ERAP1: variants seen among roughly 807,000 people sequenced by gnomAD.
ERAP1 encodes the protein adipocyte-derived leucine aminopeptidase.
In ERAP1, 86 loss-of-function variants were observed where a neutral mutation model predicts 103.7. The observed-to-expected ratio is 0.83, with a 90% CI of 0.70 to 0.99. The LOEUF (loss-of-function observed/expected upper bound fraction) is 0.99, where lower values mean the gene tolerates loss of function less well. Among genes scored for constraint, ERAP1 ranks in the 50% least tolerant of loss-of-function variants. ERAP1 has a pLI of 0.00. For missense variants in ERAP1, 1,009 were observed against 1,128.4 expected (o/e 0.89, Z 1.52); for synonymous variants, 398 against 402.4 (o/e 0.99, Z 0.13).
At position 96,775,123 on chromosome 5, in the gene ERAP1, C is replaced by CTAA; in HGVS notation, c.*1270_*1272dup. On this transcript the variant is annotated 3_prime_UTR_variant, in exon 19 of 19. Transcript: ENST00000443439. ...AAGTTTTCAGAATAAGAAATAAAAT[C>CTAA]TAATTCTTAGGGTATTAACTGACTT... is the stretch of plus-strand genomic sequence containing the variant. The CTAA allele has an allele frequency of 1.0e-6, 1 of 985,480 alleles. No homozygotes were observed. Among genetic ancestry groups the CTAA allele is most frequent in the Non-Finnish European group, 1.2e-6 (1 of 829,940 alleles). The allele number at this position is 985,480 out of a possible 1,614,324, so 61.0% of individuals were successfully genotyped here. A position where few individuals can be genotyped will look rare whatever the true frequency, so the allele number is the denominator to read the frequency against.
the ERAP1 span, among the ~76,000 whole-genome samples, chr5:96,830,486 T>C: frequency 6.6e-6 from 1 of 152,148 alleles, no homozygotes; most frequent in Admixed American, 6.5e-5. Context: ...ACAACTCAAA[T>C]GTTCATCAAC....
chr5:96,903,366 TA>T, the ERAP1 span: 9 of 1,598,518 alleles, frequency 5.6e-6, no homozygotes, highest in East Asian at 1.8e-4. Context: ...ATGCCAATCT[TA>T]TCCTCTTAGA....
chr5:96,799,271 T>C (rs1051623226), intron 3 of ERAP1, among the ~76,000 whole-genome samples: 3 of 152,190 alleles, frequency 2.0e-5, no homozygotes, highest in Non-Finnish European at 2.9e-5. Context: ...AAAGCTTCAA[T>C]GTTCCAATGG....
downstream of ERAP1, chr5:96,773,090 C>T (rs1773052841): frequency 6.5e-6 from 1 of 153,832 alleles, no homozygotes; most frequent in South Asian, 2.1e-4. Flanking sequence ...CCCCTTTCCT[C>T]TTGGGCTTTT....
the ERAP1 span, among the ~76,000 whole-genome samples, chr5:96,852,489 G>A: frequency 3.4e-4 from 52 of 152,226 alleles, no homozygotes; most frequent in Non-Finnish European, 5.4e-4. Flanking sequence ...AGGAAAGTAC[G>A]TTCTTAGGTT....
At chr5:96,813,451 G>A in the ERAP1 span, among the ~76,000 whole-genome samples, 106 of 151,892 alleles carry the variant, frequency 7.0e-4, no homozygotes, top group Non-Finnish European at 1.4e-3. Flanking sequence ...GCAGGAGATC[G>A]AGACCGTCCT....
At chr5:96,916,550 G>A in the ERAP1 span, among the ~76,000 whole-genome samples, 5 of 138,024 alleles carry the variant, frequency 3.6e-5, no homozygotes, top group South Asian at 2.4e-4. Flanking sequence ...TGCAAGCTCC[G>A]CCTCCCAGGT....
At chr5:96,894,392 G>A in the ERAP1 span, among the ~76,000 whole-genome samples, 1 of 152,112 alleles carries the variant, frequency 6.6e-6, no homozygotes, top group Non-Finnish European at 1.5e-5. Context: ...GTTTCTAGAA[G>A]CTACAGACTT....
chr5:96,781,840 A>T lies in ERAP1; in HGVS notation c.2300T>A (p.Val767Glu), dbSNP rs1249634303. 28 of 1,613,988 alleles carry T rather than the reference A, an allele frequency of 1.7e-5. No individual in the cohort carries two copies. The highest frequency in any genetic ancestry group is 2.4e-5 in the Non-Finnish European group (28 of 1,179,984). ...CCCCACAGCAAACACTGCCAAGGTC[A>T]CGTCGACAGGCAGGCTATAGAAAGG... ...SNGNLSLPVD[V>E]TLAVFAVGAQ... is the part of the protein sequence containing the mutation. The change falls in exon 16 of 19, where the codon GTG (valine) becomes GAG (glutamate). Residue 767 changes from valine (V) to glutamate (E), a missense_variant. Physicochemically the swap from Val to Glu is moderately radical, Grantham distance 121. Transcript: ENST00000443439.
chr5:96,801,656 A>T (rs1023474409), intron 2 of ERAP1, among the ~76,000 whole-genome samples: 24 of 151,134 alleles, frequency 1.6e-4, no homozygotes, highest in African/African-American at 5.4e-4. Context: ...GTTCGAGACC[A>T]CCCTGGCCAA....
chr5:96,909,438 G>A, the ERAP1 span: 1 of 701,180 alleles, frequency 1.4e-6, no homozygotes, highest in Non-Finnish European at 2.4e-6. Flanking sequence ...GCCAGAAAAA[G>A]ATAAGAGAAA....
chr5:96,801,888 A>G (rs1240468751), intron 2 of ERAP1, among the ~76,000 whole-genome samples: 2 of 145,866 alleles, frequency 1.4e-5, no homozygotes, highest in Admixed American at 1.4e-4. Context: ...AAAAATCCCC[A>G]ACAACCAAGG....
upstream of ERAP1, among the ~76,000 whole-genome samples, chr5:96,812,140 T>A (rs1423796888): frequency 6.6e-6 from 1 of 152,258 alleles, no homozygotes; most frequent in African/African-American, 2.4e-5. Context: ...GAATTATATG[T>A]TTATGTTTCT....
chr5:96,845,441 G>T, the ERAP1 span, among the ~76,000 whole-genome samples: 1 of 152,086 alleles, frequency 6.6e-6, no homozygotes, highest in Non-Finnish European at 1.5e-5. Flanking sequence ...CACCATGTTG[G>T]CTAGGCTGGT....
chr5:96,845,525 A>G, the ERAP1 span, among the ~76,000 whole-genome samples: 1 of 152,204 alleles, frequency 6.6e-6, no homozygotes, highest in Admixed American at 6.6e-5. Context: ...GGGGATCCAC[A>G]CTGCCTGGCT....
intron 19 of ERAP1, chr5:96,768,272 A>G (rs989632911): frequency 2.1e-5 from 9 of 427,916 alleles, no homozygotes; most frequent in Non-Finnish European, 2.6e-5. Context: ...TTTTGTAGAG[A>G]GGGGGTTTCG....
the ERAP1 span, among the ~76,000 whole-genome samples, chr5:96,890,530 A>C: frequency 2.0e-5 from 3 of 152,222 alleles, no homozygotes; most frequent in African/African-American, 7.2e-5. Context: ...ATAAAAACTG[A>C]AGAAAGTTTC....
chr5:96,833,721 C>G, the ERAP1 span, among the ~76,000 whole-genome samples: 1 of 151,704 alleles, frequency 6.6e-6, no homozygotes, highest in Admixed American at 6.6e-5. Context: ...TCGCTTGAAC[C>G]CGGGAGGCGG....
chr5:96,864,462 G>A, the ERAP1 span, among the ~76,000 whole-genome samples: 4 of 152,220 alleles, frequency 2.6e-5, no homozygotes, highest in East Asian at 7.7e-4. Context: ...CAGACAAGAT[G>A]ACAGTGAAAA....
Sources: allele counts gnomAD v4.1 joint callset (sites outside exome capture counted in the v4.1 genomes callset), GRCh38; gene constraint gnomAD v4.1.1; transcripts MANE v1.5; gene names NCBI Gene and HGNC (gene_info 2026-07-23, HGNC 2026-07-21).